The following STYXL2 variants were observed in gnomAD, a reference collection of about 807,000 sequenced individuals.
The protein encoded by STYXL2 is serine/threonine/tyrosine-interacting-like protein 2.
Under a neutral mutation model 52.4 loss-of-function variants are expected in STYXL2, and 44 were observed. The observed-to-expected ratio is 0.84, with a 90% confidence interval of 0.66 to 1.08. The LOEUF is 1.08. Among genes scored for constraint, STYXL2 ranks in the 50% least tolerant of loss-of-function variants. STYXL2 has a pLI of 0.00. For synonymous variants in STYXL2, 604 were observed against 586.9 expected (o/e 1.03, Z -0.42); for missense variants, 1,604 against 1,471.7 (o/e 1.09, Z -1.47).
At chr1:167,116,055 C>T (rs1041509637) in intron 3 of STYXL2, among the ~76,000 whole-genome samples, 24 of 152,274 alleles carry the variant, frequency 1.6e-4, no homozygotes, top group Non-Finnish European at 2.8e-4. Context: ...GACTGCCCAT[C>T]AGGGAAGAGA....
Position 167,128,028 on chromosome 1 carries a change from C to T in STYXL2, c.2897C>T (p.Ser966Phe), listed in dbSNP as rs1668014070. The T allele has an allele frequency of 3.1e-6, 5 of 1,614,204 alleles. No homozygotes were observed. Among genetic ancestry groups the T allele is most frequent in the Non-Finnish European group, 4.2e-6 (5 of 1,180,040 alleles). Residue 966 changes from serine to phenylalanine, a missense_variant, in exon 6 of 6, where the codon TCC becomes TTC. Coordinates refer to ENST00000361200, the MANE Select transcript of STYXL2 (RefSeq NM_001080426.3). ...GSSRGKYTRS[S>F]LLRETESKSS... ...TCCAGAGGGAAGTACACCAGATCGTCCCTGCTCAGGGAGACAGAGTCTAAA... is the reference window on the plus strand; with the variant it reads ...TCCAGAGGGAAGTACACCAGATCGTTCCTGCTCAGGGAGACAGAGTCTAAA...
In STYXL2 at chr1:167,094,938, T is replaced by A. The variant is rs1382340943; in HGVS notation, c.89T>A (p.Leu30His). The change falls in exon 2 of 6, where the codon CTC becomes CAC. Residue 30 changes from leucine to histidine, a missense_variant. Transcript: ENST00000361200. ...GTGAGGGCGGTGCAGGCCCACTACC[T>A]CCGAAGCCCCTCCCCTAGCCAGTAA... ...ANVRAVQAHY[L>H]RSPSPSQYSM... is the part of the protein sequence containing the mutation. 2.3e-5 allele frequency: 37 copies of A among 1,606,650 alleles called. No individual in the cohort carries two copies. The highest frequency in any genetic ancestry group is 3.0e-5 in the Non-Finnish European group (35 of 1,177,234).
rs1194052221 is a variant in STYXL2 at position 167,126,686 on chromosome 1, G to A, written c.1555G>A (p.Asp519Asn). Residue 519 changes from aspartate to asparagine, a missense_variant, in exon 6 of 6, where the codon GAT becomes AAT. Coordinates refer to ENST00000361200, the MANE Select transcript of STYXL2 (RefSeq NM_001080426.3). ...AGCAGGGAGCAGGGTGCGGGAGGAT[G>A]ATGAGGACAGCGTGGGCTCTGAGGC... is the stretch of plus-strand genomic sequence containing the variant. ...SEAGSRVRED[D>N]EDSVGSEASS... 5 of 1,614,210 alleles carry A rather than the reference G, an allele frequency of 3.1e-6. No homozygotes were observed. The East Asian group carries it at 1.1e-4, about 36-fold the overall frequency.
chr1:167,095,825 A>G (rs995606927), intron 2 of STYXL2, among the ~76,000 whole-genome samples: 5 of 152,048 alleles, frequency 3.3e-5, no homozygotes, highest in African/African-American at 1.2e-4. Flanking sequence ...CTTCCCCTCT[A>G]AGAATTTATC....
chr1:167,107,374 A>G (rs6663733), intron 2 of STYXL2, among the ~76,000 whole-genome samples: 123,477 of 152,122 alleles, frequency 0.81, 50,747 homozygotes, highest in African/African-American at 0.91. Context: ...CTCTAGGCAA[A>G]GAGTATCACA....
intron 2 of STYXL2, among the ~76,000 whole-genome samples, chr1:167,110,683 G>GAT (rs1253589235): frequency 6.6e-6 from 1 of 152,150 alleles, no homozygotes; most frequent in Non-Finnish European, 1.5e-5. Context: ...TTTCCACCTT[G>GAT]GTGATTGTGT....
At chr1:167,124,322 C>G (rs1219844215) in intron 5 of STYXL2, among the ~76,000 whole-genome samples, 1 of 152,184 alleles carries the variant, frequency 6.6e-6, no homozygotes, top group Non-Finnish European at 1.5e-5. Flanking sequence ...TCTCTGACCT[C>G]CTGTGTGACC....
At chr1:167,111,491 TATATATATATATATATATATATACACAC>T (rs752016712) in intron 2 of STYXL2, among the ~76,000 whole-genome samples, 25 of 116,340 alleles carry the variant, frequency 2.1e-4, no homozygotes, top group African/African-American at 4.2e-4. Context: ...TATATATATA[TATATATATATATATATATATATACACAC>T]ACACACACAC....
intron 2 of STYXL2, among the ~76,000 whole-genome samples, chr1:167,110,561 C>T (rs1667596568): frequency 6.6e-6 from 1 of 152,166 alleles, no homozygotes. Flanking sequence ...ATGAAAGACA[C>T]ACTTAGGGAA....
chr1:167,117,692 C>T, intron 4 of STYXL2, 133 bp downstream of exon 4: 1 of 760,140 alleles, frequency 1.3e-6, no homozygotes. Flanking sequence ...TAGCCACTTA[C>T]CCTGCCCCAG....
rs200683053 is a variant in STYXL2 at position 167,125,894 on chromosome 1, G to A, written c.763G>A (p.Val255Met). The A allele has an allele frequency of 3.9e-5, 63 of 1,614,084 alleles. No homozygotes were observed. The East Asian group carries it at 6.5e-4, about 17-fold the overall frequency. ...GGCCATCCTGGAGGCTTTGATGACC[G>A]TGCGTAAGAAGCGGGCCATCTACCC... The part of the protein sequence containing the change: ...NMAILEALMT[V>M]RKKRAIYPNE... Residue 255 changes from valine (V) to methionine (M), a missense_variant, in exon 6 of 6, where the codon GTG becomes ATG. Coordinates refer to ENST00000361200, the MANE Select transcript of STYXL2 (RefSeq NM_001080426.3).
chr1:167,118,277 T>A (rs777611365), intron 4 of STYXL2, among the ~76,000 whole-genome samples: 2 of 152,220 alleles, frequency 1.3e-5, no homozygotes, highest in Non-Finnish European at 2.9e-5. Context: ...AGGATGCCAG[T>A]GCATAATTGC....
intron 2 of STYXL2, among the ~76,000 whole-genome samples, chr1:167,095,622 G>A (rs191245159): frequency 2.4e-4 from 37 of 152,202 alleles, no homozygotes; most frequent in East Asian, 1.7e-3. Flanking sequence ...GACAAACCAC[G>A]AGACGTTAAA....
At chr1:167,125,207 A>G (rs1204798979) in intron 5 of STYXL2, among the ~76,000 whole-genome samples, 4 of 152,200 alleles carry the variant, frequency 2.6e-5, no homozygotes, top group Non-Finnish European at 4.4e-5. Flanking sequence ...TGTTACAGAA[A>G]TTTATACTTT....
chr1:167,117,521 G>A lies in STYXL2; in HGVS notation c.399G>A (p.Glu133=). The A allele has an allele frequency of 1.9e-6, 3 of 1,608,778 alleles. No homozygotes were observed. The highest frequency in any genetic ancestry group is 3.4e-5 in the Admixed American group (2 of 59,420). The stretch of plus-strand genomic sequence containing the variant: ...ATCGCCAAGAGGCGCCCTGGAATGA[G>A]GTGGATGAGGTCTGGCCCAATGTCT... ...VQDRQEAPWN[E]VDEVWPNVFI... The change falls in exon 4 of 6, where the codon GAG becomes GAA. Residue 133 remains glutamate, a synonymous_variant. Coordinates refer to ENST00000361200, the MANE Select transcript of STYXL2 (RefSeq NM_001080426.3).
chr1:167,095,017 G>A (rs1667254077), intron 2 of STYXL2, 58 bp downstream of exon 2: 1 of 1,368,786 alleles, frequency 7.3e-7, no homozygotes, highest in Non-Finnish European at 1.0e-6. Flanking sequence ...CTGGGGACAG[G>A]TTGGGCCATT....
At position 167,127,563 on chromosome 1, in the gene STYXL2, G is replaced by A; in HGVS notation, c.2432G>A (p.Ser811Asn). Residue 811 changes from serine (S) to asparagine (N), a missense_variant, in exon 6 of 6, where the codon AGT (serine) becomes AAT (asparagine). Transcript: ENST00000361200. Reference protein sequence around the residue: ...CNTTLSSPAESCRSKVRGTSK... With the variant: ...CNTTLSSPAENCRSKVRGTSK... ...ACCACACTGAGCTCACCCGCGGAAA[G>A]TTGCAGAAGCAAAGTGAGGGGGACC... The A allele has an allele frequency of 6.2e-7, 1 of 1,614,132 alleles. No individual in the cohort carries two copies. Among genetic ancestry groups the A allele is most frequent in the East Asian group, 2.2e-5 (1 of 44,872 alleles).
intron 4 of STYXL2, among the ~76,000 whole-genome samples, 174 bp from the exon 5 acceptor site, chr1:167,119,075 G>C (rs1426703777): frequency 1.3e-5 from 2 of 152,204 alleles, no homozygotes; most frequent in African/African-American, 4.8e-5. Flanking sequence ...CTGAGGCCAA[G>C]TCATCAACTC....
chr1:167,115,144 T>A (rs1024032479), intron 3 of STYXL2, among the ~76,000 whole-genome samples: 1 of 152,244 alleles, frequency 6.6e-6, no homozygotes. Context: ...CCAAAAGATG[T>A]GCAATGCCTT....
Sources: allele counts gnomAD v4.1 joint callset (sites outside exome capture counted in the v4.1 genomes callset), GRCh38; gene constraint gnomAD v4.1.1; transcripts MANE v1.5; gene names NCBI Gene and HGNC (gene_info 2026-07-23, HGNC 2026-07-21).